The following NINJ2 variants were observed in gnomAD, a reference collection of about 807,000 sequenced individuals.
The protein encoded by NINJ2 is ninjurin 2.
Under a neutral mutation model 11.7 loss-of-function variants are expected in NINJ2, and 12 were observed. The ratio of observed to expected loss-of-function variants is 1.02; its 90% CI spans 0.66 to 1.66. The LOEUF (loss-of-function observed/expected upper bound fraction) is 1.66, where lower values mean the gene tolerates loss of function less well. Among genes scored for constraint, NINJ2 ranks in the 40% most tolerant of loss-of-function variants. The pLI is 0.00. For synonymous variants in NINJ2, 93 were observed against 76.8 expected (o/e 1.21, Z -1.10); for missense variants, 187 against 181.8 (o/e 1.03, Z -0.16).
At chr12:615,283 G>A (rs946560484) in intron 1 of NINJ2, among the ~76,000 whole-genome samples, 1 of 152,094 alleles carries the variant, frequency 6.6e-6, no homozygotes, top group Non-Finnish European at 1.5e-5. Context: ...CCAAAGGCTA[G>A]ATCTCCTTCT....
chr12:619,260 C>T (rs1181742884), intron 1 of NINJ2, among the ~76,000 whole-genome samples: 3 of 152,124 alleles, frequency 2.0e-5, no homozygotes, highest in Non-Finnish European at 4.4e-5. Context: ...GGACTTGGCC[C>T]CTGCTTACAA....
At chr12:645,034 G>A (rs183488597) in intron 1 of NINJ2, 10 of 152,272 alleles carry the variant, frequency 6.6e-5, no homozygotes, top group Admixed American at 1.3e-4. Context: ...TCCAGACTGC[G>A]AGACAATCTC....
At chr12:604,653 A>G (rs904159661) in intron 1 of NINJ2, among the ~76,000 whole-genome samples, 4 of 152,148 alleles carry the variant, frequency 2.6e-5, no homozygotes, top group Non-Finnish European at 5.9e-5. Flanking sequence ...CAACAACAAT[A>G]GCAAAAAAAG....
intron 1 of NINJ2, among the ~76,000 whole-genome samples, chr12:577,282 G>C (rs4980940): frequency 0.29 from 43,336 of 150,418 alleles, 6,736 homozygotes; most frequent in Admixed American, 0.38. Context: ...TGAGCACGCT[G>C]AAGTTAAGCT....
intron 1 of NINJ2, among the ~76,000 whole-genome samples, chr12:648,980 A>ATCTG (rs1441184658): frequency 5.6e-5 from 1 of 17,888 alleles, no homozygotes; most frequent in Non-Finnish European, 2.5e-4. Context: ...TCATCCACCT[A>ATCTG]TCTATCTATC....
intron 1 of NINJ2, among the ~76,000 whole-genome samples, chr12:579,578 T>C (rs916714619): frequency 6.6e-6 from 1 of 152,142 alleles, no homozygotes; most frequent in Non-Finnish European, 1.5e-5. Context: ...CATGCTTACT[T>C]TATCTTACAT....
At chr12:616,840 T>C (rs1462326566) in intron 1 of NINJ2, among the ~76,000 whole-genome samples, 1 of 152,098 alleles carries the variant, frequency 6.6e-6, no homozygotes, top group South Asian at 2.1e-4. Flanking sequence ...CAATGAAGGA[T>C]CAAAAGACGC....
chr12:645,751 C>T (rs1937666956), intron 1 of NINJ2: 1 of 152,228 alleles, frequency 6.6e-6, no homozygotes, highest in Admixed American at 6.5e-5. Context: ...CCACCGAATA[C>T]TCTGCTGTGG....
rs775925793 is a variant in NINJ2, at chr12:580,596, AAAATAT to A, written c.34-14424_34-14419del. Reference sequence around the variant, plus strand: ...AGAGAGACCCTGTCTCAAAAAAAAAAAAATATATATATATATATATCCATTTGTCAT... The same window carrying A: ...AGAGAGACCCTGTCTCAAAAAAAAAAATATATATATATATCCATTTGTCAT... On this transcript the variant is annotated intron_variant, in intron 1 of 3. Coordinates refer to ENST00000305108, the MANE Select transcript of NINJ2 (RefSeq NM_016533.6). This position sits in a 1 kb window ranked among gnomAD's most constrained non-coding sequence, Gnocchi z 4.7. Among the ~76,000 whole-genome samples, 859 of 77,732 alleles carry A rather than the reference AAAATAT, an allele frequency of 0.011. 5 individuals are homozygous for A. The highest frequency in any genetic ancestry group is 0.016 in the Middle Eastern group (3 of 184). 51.0% of individuals were successfully genotyped at this position (77,732 alleles called of 152,430 possible).
rs527404402 is a variant in NINJ2, at chr12:612,100, A to G, written c.34-45922T>C. The stretch of plus-strand genomic sequence containing the variant: ...TGTGGAGATTGTGGTGAGCATCTTC[A>G]ATCATGTGTATAAGGTACATATCCC... On this transcript the variant is annotated intron_variant, in intron 1 of 3. Transcript: ENST00000305108. 1.3e-3 allele frequency among the ~76,000 whole-genome samples: 199 copies of G among 152,342 alleles called. 1 individual carries two copies. Among genetic ancestry groups the G allele is most frequent in the African/African-American group, 4.5e-3 (187 of 41,574 alleles).
intron 1 of NINJ2, among the ~76,000 whole-genome samples, chr12:632,841 T>C (rs544536925): frequency 6.6e-6 from 1 of 152,324 alleles, no homozygotes; most frequent in Non-Finnish European, 1.5e-5. Flanking sequence ...ACTGAAGTTA[T>C]AGCCCTTTCT....
At chr12:610,330 C>G (rs1490428967) in intron 1 of NINJ2, 1 of 1,534,552 alleles carries the variant, frequency 6.5e-7, no homozygotes, top group Non-Finnish European at 8.7e-7. Flanking sequence ...GATCCCGTGG[C>G]CAGAGGCACA....
chr12:656,386 C>T (rs1462524784), intron 1 of NINJ2, among the ~76,000 whole-genome samples: 1 of 149,926 alleles, frequency 6.7e-6, no homozygotes, highest in African/African-American at 2.4e-5. Context: ...ATAAAATAAA[C>T]CCAAAATAGG....
chr12:659,154 C>A (rs1937922390), intron 1 of NINJ2, among the ~76,000 whole-genome samples: 1 of 151,470 alleles, frequency 6.6e-6, no homozygotes, highest in African/African-American at 2.4e-5. Context: ...TGCCTATAGA[C>A]CTTCTTCTAT....
intron 1 of NINJ2, among the ~76,000 whole-genome samples, chr12:617,153 C>CCA (rs1203712853): frequency 1.3e-5 from 2 of 152,150 alleles, no homozygotes; most frequent in African/African-American, 4.8e-5. Flanking sequence ...TTGCAGTGAG[C>CCA]TGATCACTCC....
chr12:606,000 C>T (rs1227994380), intron 1 of NINJ2, among the ~76,000 whole-genome samples: 1 of 152,112 alleles, frequency 6.6e-6, no homozygotes, highest in Non-Finnish European at 1.5e-5. Flanking sequence ...AAAAGAGAAG[C>T]TATTCCATCA....
intron 1 of NINJ2, among the ~76,000 whole-genome samples, chr12:651,623 A>T (rs1252109709): frequency 6.6e-6 from 1 of 152,236 alleles, no homozygotes; most frequent in Non-Finnish European, 1.5e-5. Flanking sequence ...AGAACTAGAC[A>T]TGGCAGGGAT....
At chr12:641,906 G>A (rs1948422407) in intron 1 of NINJ2, among the ~76,000 whole-genome samples, 1 of 151,746 alleles carries the variant, frequency 6.6e-6, no homozygotes, top group African/African-American at 2.4e-5. Context: ...CCTGGAGCTA[G>A]GACATTTCCT....
intron 1 of NINJ2, among the ~76,000 whole-genome samples, chr12:636,549 A>G (rs1334984183): frequency 1.3e-5 from 2 of 152,142 alleles, no homozygotes; most frequent in Non-Finnish European, 2.9e-5. Flanking sequence ...CAAACAACTC[A>G]ATTCAAAAAA....
Sources: allele counts gnomAD v4.1 joint callset (sites outside exome capture counted in the v4.1 genomes callset), GRCh38; gene constraint gnomAD v4.1.1; non-coding constraint Gnocchi (gnomAD v3.1); transcripts MANE v1.5; gene names NCBI Gene and HGNC (gene_info 2026-07-23, HGNC 2026-07-21).